The following MNAT1 variants were observed in gnomAD, a reference collection of about 807,000 sequenced individuals.
MNAT1 encodes the protein MNAT1 component of CDK activating kinase.
In MNAT1, 43 loss-of-function variants were observed where a neutral mutation model predicts 42.0. The observed-to-expected ratio is 1.02, with a 90% CI of 0.80 to 1.32. The LOEUF (loss-of-function observed/expected upper bound fraction) is 1.32. Ranked by LOEUF, MNAT1 falls within the 40% of genes most tolerant of loss-of-function variation. The probability of loss-of-function intolerance (pLI) is 0.00; values close to 1 mark genes in which losing one functional copy is unlikely to be tolerated. For synonymous variants in MNAT1, 118 were observed against 120.0 expected (o/e 0.98, Z 0.11); for missense variants, 306 against 350.4 (o/e 0.87, Z 1.01).
intron 4 of MNAT1, chr14:60,808,787 A>C (rs1305942706): frequency 6.5e-6 from 1 of 154,046 alleles, no homozygotes; most frequent in Non-Finnish European, 1.4e-5. Context: ...TAATTTCTCT[A>C]AAGGAGAGAG....
intron 7 of MNAT1, among the ~76,000 whole-genome samples, chr14:60,889,149 G>A (rs930439693): frequency 6.6e-6 from 1 of 152,110 alleles, no homozygotes; most frequent in Non-Finnish European, 1.5e-5. Flanking sequence ...TGAGTCAATT[G>A]TAAGCCAAAA....
chr14:60,917,447 T>A (rs1330397015), intron 7 of MNAT1, among the ~76,000 whole-genome samples: 1 of 152,194 alleles, frequency 6.6e-6, no homozygotes, highest in East Asian at 1.9e-4. Context: ...ATCAAATTTT[T>A]ATTCCATATA....
intron 1 of MNAT1, among the ~76,000 whole-genome samples, chr14:60,764,830 G>GT (rs2030748911): frequency 6.6e-6 from 1 of 152,182 alleles, no homozygotes; most frequent in Non-Finnish European, 1.5e-5. Flanking sequence ...AAAAGGAAGT[G>GT]TAAGTAGGAG....
chr14:60,837,092 A>G (rs1018693857), intron 6 of MNAT1, among the ~76,000 whole-genome samples: 1 of 152,202 alleles, frequency 6.6e-6, no homozygotes, highest in Admixed American at 6.5e-5. Flanking sequence ...CAAGTGTCCC[A>G]GTTCGACTTC....
chr14:60,876,074 T>A (rs1395659683), intron 6 of MNAT1, among the ~76,000 whole-genome samples: 1 of 152,046 alleles, frequency 6.6e-6, no homozygotes, highest in Non-Finnish European at 1.5e-5. Flanking sequence ...ACATTTTTTA[T>A]CAAATGGCAG....
chr14:60,948,806 A>G (rs2036329777), intron 7 of MNAT1, among the ~76,000 whole-genome samples: 1 of 152,220 alleles, frequency 6.6e-6, no homozygotes, highest in Admixed American at 6.5e-5. Flanking sequence ...CTTTTCAAGA[A>G]AATTAATTTT....
intron 1 of MNAT1, among the ~76,000 whole-genome samples, chr14:60,791,359 T>C (rs2031811123): frequency 6.6e-6 from 1 of 152,164 alleles, no homozygotes; most frequent in African/African-American, 2.4e-5. Context: ...TAATACCTGC[T>C]CCCAGGCCAT....
chr14:60,821,441 T>C (rs1287815412), intron 6 of MNAT1, among the ~76,000 whole-genome samples: 2 of 152,230 alleles, frequency 1.3e-5, no homozygotes, highest in African/African-American at 4.8e-5. Context: ...ACTGTGGACC[T>C]TCATTAAATA....
chr14:60,935,798 T>C (rs910581128), intron 7 of MNAT1, among the ~76,000 whole-genome samples: 2 of 152,238 alleles, frequency 1.3e-5, no homozygotes, highest in South Asian at 4.1e-4. Context: ...AGATGCAGTA[T>C]TGGATTTGAA....
intron 7 of MNAT1, among the ~76,000 whole-genome samples, chr14:60,895,858 T>C (rs117185071): frequency 0.012 from 1,836 of 152,152 alleles, 21 homozygotes; most frequent in Middle Eastern, 0.045. Context: ...AAGTTAAGAG[T>C]AGTACAGTTT....
At chr14:60,896,707 G>T (rs1303954602) in intron 7 of MNAT1, among the ~76,000 whole-genome samples, 1 of 151,796 alleles carries the variant, frequency 6.6e-6, no homozygotes, top group Non-Finnish European at 1.5e-5. Context: ...GGCTGGTCTC[G>T]AACTCTGACC....
At chr14:60,863,664 A>T (rs1401874758) in intron 6 of MNAT1, among the ~76,000 whole-genome samples, 1 of 152,146 alleles carries the variant, frequency 6.6e-6, no homozygotes, top group Non-Finnish European at 1.5e-5. Context: ...AATGGACACA[A>T]ATGTGATAGT....
intron 6 of MNAT1, among the ~76,000 whole-genome samples, chr14:60,826,120 A>AAAATT (rs2033045713): frequency 6.6e-6 from 1 of 152,156 alleles, no homozygotes; most frequent in African/African-American, 2.4e-5. Flanking sequence ...CAGTCAGTGA[A>AAAATT]CATATTTTGA....
intron 7 of MNAT1, among the ~76,000 whole-genome samples, chr14:60,886,880 T>C (rs1024858343): frequency 5.3e-5 from 8 of 152,162 alleles, no homozygotes; most frequent in Admixed American, 6.6e-5. Context: ...CTAATTGCTC[T>C]TTATAATACT....
chr14:60,867,928 A>G (rs1355116248), intron 6 of MNAT1, among the ~76,000 whole-genome samples: 1 of 152,100 alleles, frequency 6.6e-6, no homozygotes, highest in Non-Finnish European at 1.5e-5. Flanking sequence ...TATGGGGAAA[A>G]ATGAATTATA....
In MNAT1 at chr14:60,804,941, T is replaced by C. The variant is rs2300467; in HGVS notation, c.317-3384T>C. Among the ~76,000 whole-genome samples, 17 of 152,346 alleles carry C rather than the reference T, an allele frequency of 1.1e-4. No individual in the cohort carries two copies. In the East Asian group the frequency reaches 3.3e-3, roughly 29 times the overall value. ...TCTAGTTTGCTAATAAACAGTGTTTTTTAAACTGTTTTGAACATACTAGTA... is the reference window on the plus strand; with the variant it reads ...TCTAGTTTGCTAATAAACAGTGTTTCTTAAACTGTTTTGAACATACTAGTA... On this transcript the variant is annotated intron_variant, in intron 3 of 7. Coordinates refer to ENST00000261245, the MANE Select transcript of MNAT1 (RefSeq NM_002431.4).
chr14:60,921,669 T>C (rs2035663413), intron 7 of MNAT1, among the ~76,000 whole-genome samples: 1 of 152,228 alleles, frequency 6.6e-6, no homozygotes, highest in African/African-American at 2.4e-5. Context: ...ACTTTGTTTC[T>C]AATAATATTA....
intron 6 of MNAT1, among the ~76,000 whole-genome samples, chr14:60,854,955 G>A (rs1028182168): frequency 2.6e-5 from 4 of 152,126 alleles, no homozygotes; most frequent in African/African-American, 7.2e-5. Flanking sequence ...CCAGAGAGAC[G>A]GGGGTTTTGT....
intron 7 of MNAT1, among the ~76,000 whole-genome samples, chr14:60,935,967 A>C (rs2035985738): frequency 6.6e-6 from 1 of 152,164 alleles, no homozygotes; most frequent in Non-Finnish European, 1.5e-5. Context: ...AAAGGGAAAA[A>C]AAGAAACAAA....
Sources: allele counts gnomAD v4.1 joint callset (sites outside exome capture counted in the v4.1 genomes callset), GRCh38; gene constraint gnomAD v4.1.1; transcripts MANE v1.5; gene names NCBI Gene and HGNC (gene_info 2026-07-23, HGNC 2026-07-21).